GPHN: variants seen among roughly 807,000 people sequenced by gnomAD.
GPHN encodes gephyrin.
A neutral mutation model predicts 95.5 loss-of-function variants in GPHN; 17 were observed. The ratio of observed to expected loss-of-function variants is 0.18; its 90% CI spans 0.12 to 0.27. The LOEUF is 0.27. Among genes scored for constraint, GPHN ranks in the 10% least tolerant of loss-of-function variants. The pLI is 1.00. For missense variants in GPHN, 660 were observed against 978.1 expected (o/e 0.67, Z 4.34); for synonymous variants, 320 against 322.5 (o/e 0.99, Z 0.08).
At chr14:66,821,824 T>C (rs971147317) in intron 3 of GPHN, among the ~76,000 whole-genome samples, 1 of 152,234 alleles carries the variant, frequency 6.6e-6, no homozygotes, top group Non-Finnish European at 1.5e-5. Flanking sequence ...AATGCTTGAA[T>C]AGATTCTTAA....
intron 1 of GPHN, among the ~76,000 whole-genome samples, chr14:66,597,467 T>C (rs1159199564): frequency 6.6e-6 from 1 of 152,140 alleles, no homozygotes; most frequent in Non-Finnish European, 1.5e-5. Flanking sequence ...GCCCCAAGCG[T>C]GCACATACCC....
the GPHN span, among the ~76,000 whole-genome samples, chr14:67,560,461 C>G: frequency 6.6e-6 from 1 of 152,226 alleles, no homozygotes; most frequent in African/African-American, 2.4e-5. Flanking sequence ...GTGCAGCCAT[C>G]ACTGCTATCT....
At chr14:67,336,886 C>T in the GPHN span, 1 of 402,042 alleles carries the variant, frequency 2.5e-6, no homozygotes, top group Admixed American at 2.8e-5. Flanking sequence ...ATCAGCTTCT[C>T]CAGAACAGTC....
intron 3 of GPHN, among the ~76,000 whole-genome samples, chr14:66,814,355 C>G (rs1431439362): frequency 1.3e-5 from 2 of 152,216 alleles, no homozygotes; most frequent in African/African-American, 4.8e-5. Flanking sequence ...CCCCCACCAG[C>G]TGTGTTGCCT....
the GPHN span, among the ~76,000 whole-genome samples, chr14:67,324,965 C>T: frequency 3.0e-5 from 4 of 135,124 alleles, no homozygotes; most frequent in Non-Finnish European, 4.5e-5. Context: ...AGTGCAGTAG[C>T]GCAATCTCGG....
chr14:67,114,927 T>A (rs1174709579), intron 16 of GPHN, among the ~76,000 whole-genome samples: 1 of 152,174 alleles, frequency 6.6e-6, no homozygotes, highest in African/African-American at 2.4e-5. Context: ...TGGTATTATA[T>A]CATGAAATCT....
chr14:66,592,104 A>G (rs1293386681), intron 1 of GPHN, among the ~76,000 whole-genome samples: 1 of 152,220 alleles, frequency 6.6e-6, no homozygotes, highest in Admixed American at 6.5e-5. Context: ...AGCCATATGC[A>G]TAAAAGTGAA....
chr14:67,216,193 C>T, the GPHN span, among the ~76,000 whole-genome samples: 239 of 152,188 alleles, frequency 1.6e-3, no homozygotes, highest in African/African-American at 5.5e-3. Context: ...GTTTACATTA[C>T]ATTAAGATTT....
At chr14:66,701,105 C>T (rs1417454033) in intron 2 of GPHN, among the ~76,000 whole-genome samples, 1 of 152,106 alleles carries the variant, frequency 6.6e-6, no homozygotes, top group Non-Finnish European at 1.5e-5. Context: ...TGTGCATGCG[C>T]ACATGTGCAC....
At chr14:66,804,099 CAT>C (rs1211370168) in intron 3 of GPHN, among the ~76,000 whole-genome samples, 3 of 152,056 alleles carry the variant, frequency 2.0e-5, no homozygotes, top group Non-Finnish European at 4.4e-5. Context: ...GTAAAAGACT[CAT>C]ATTGGCCATA....
At chr14:67,398,110 C>T in the GPHN span, 8 of 294,354 alleles carry the variant, frequency 2.7e-5, no homozygotes, top group African/African-American at 8.6e-5. Flanking sequence ...TGCTAGGAGA[C>T]AGCCATTGCT....
At chr14:66,816,199 C>T (rs1310720746) in intron 3 of GPHN, among the ~76,000 whole-genome samples, 1 of 152,114 alleles carries the variant, frequency 6.6e-6, no homozygotes, top group Non-Finnish European at 1.5e-5. Flanking sequence ...GACTCCCACA[C>T]AATAATAGTG....
At chr14:66,816,324 C>G (rs1217655953) in intron 3 of GPHN, among the ~76,000 whole-genome samples, 1 of 152,160 alleles carries the variant, frequency 6.6e-6, no homozygotes, top group Non-Finnish European at 1.5e-5. Context: ...CTACAGAACT[C>G]TCCACGTAAA....
chr14:66,811,910 C>G (rs1002154780), intron 3 of GPHN, among the ~76,000 whole-genome samples: 2 of 152,194 alleles, frequency 1.3e-5, no homozygotes, highest in Admixed American at 1.3e-4. Context: ...CAATAACTAT[C>G]TGAAAGCACT....
intron 1 of GPHN, among the ~76,000 whole-genome samples, chr14:66,644,063 G>T (rs2064597238): frequency 6.6e-6 from 1 of 151,856 alleles, no homozygotes; most frequent in Non-Finnish European, 1.5e-5. Flanking sequence ...CAATTAATCA[G>T]TTTTTTGCTT....
At chr14:67,600,233 C>A in the GPHN span, 13 of 1,523,410 alleles carry the variant, frequency 8.5e-6, no homozygotes, top group Admixed American at 1.4e-4. Flanking sequence ...CCGCACCGCG[C>A]GGCGCTGCAC....
rs563163329 is a variant in GPHN, at chr14:67,056,671, G to A, written c.1007-1978G>A. Reference sequence around the variant, plus strand: ...AGGAGCCCAGCTGGCTTCACCTAGTGGATCACACGCCAGGGCCGTGGGTGG... The same window carrying A: ...AGGAGCCCAGCTGGCTTCACCTAGTAGATCACACGCCAGGGCCGTGGGTGG... On this transcript the variant is annotated intron_variant, in intron 10 of 22. Coordinates refer to ENST00000478722, the MANE Select transcript of GPHN (RefSeq NM_020806.5). Among the ~76,000 whole-genome samples, 5 of 152,318 alleles carry A rather than the reference G, an allele frequency of 3.3e-5. No individual in the cohort carries two copies. In the South Asian group the frequency reaches 1.0e-3, roughly 32 times the overall value.
chr14:67,648,039 C>G, the GPHN span: 3 of 1,603,274 alleles, frequency 1.9e-6, no homozygotes, highest in Non-Finnish European at 2.6e-6. Flanking sequence ...TATCCTCTTC[C>G]TTTTTAGGAG....
the GPHN span, among the ~76,000 whole-genome samples, chr14:67,523,908 T>A: frequency 1.0e-5 from 1 of 95,426 alleles, no homozygotes; most frequent in Non-Finnish European, 2.4e-5. Context: ...GGGAATACAG[T>A]AGAGGGATAT....
Sources: allele counts gnomAD v4.1 joint callset (sites outside exome capture counted in the v4.1 genomes callset), GRCh38; gene constraint gnomAD v4.1.1; transcripts MANE v1.5; gene names NCBI Gene and HGNC (gene_info 2026-07-23, HGNC 2026-07-21).